RBFOX1: variants seen among roughly 807,000 people sequenced by gnomAD.
RBFOX1 encodes RNA binding fox-1 homolog 1, also known as RNA binding protein fox-1 homolog 1.
RBFOX1 carries 8 observed loss-of-function variants against 57.7 expected under a neutral mutation model. The observed-to-expected ratio is 0.14, with a 90% CI of 0.08 to 0.25. RBFOX1 has a LOEUF of 0.25. RBFOX1 is among the 10% of genes least tolerant of loss of function. The pLI is 1.00. For missense variants in RBFOX1, 611 were observed against 548.5 expected, an observed-to-expected ratio of 1.11 and a Z score of -1.14; for synonymous variants, 326 against 222.4, an observed-to-expected ratio of 1.47 and a Z score of -4.15.
chr16:7,473,574 TG>T (rs1175088309), intron 4 of RBFOX1, among the ~76,000 whole-genome samples: 2 of 151,432 alleles, frequency 1.3e-5, no homozygotes, highest in East Asian at 3.9e-4. Context: ...GCAGTTTGCT[TG>T]TTTTCCTCTT....
At chr16:6,806,601 C>T (rs995550672) in intron 3 of RBFOX1, among the ~76,000 whole-genome samples, 3 of 151,684 alleles carry the variant, frequency 2.0e-5, no homozygotes, top group African/African-American at 7.3e-5. Flanking sequence ...CAAATTTGAT[C>T]ACATCATTGG....
intron 3 of RBFOX1, among the ~76,000 whole-genome samples, chr16:6,821,209 C>T (rs2091239507): frequency 6.6e-6 from 1 of 152,196 alleles, no homozygotes. Flanking sequence ...GAAGTCCAGT[C>T]ATGGCCTCTA....
At chr16:6,469,108 A>T (rs1231634462) in intron 2 of RBFOX1, among the ~76,000 whole-genome samples, 2 of 152,190 alleles carry the variant, frequency 1.3e-5, no homozygotes, top group African/African-American at 2.4e-5. Flanking sequence ...AGAGTATATG[A>T]TGCTGCATTA....
At chr16:7,404,831 G>T (rs1363593471) in intron 4 of RBFOX1, among the ~76,000 whole-genome samples, 1 of 152,190 alleles carries the variant, frequency 6.6e-6, no homozygotes, top group African/African-American at 2.4e-5. Context: ...AGAAACAGAT[G>T]TGGGCTCTCC....
chr16:6,872,798 C>A (rs573140038), intron 3 of RBFOX1, among the ~76,000 whole-genome samples: 1 of 152,066 alleles, frequency 6.6e-6, no homozygotes, highest in Non-Finnish European at 1.5e-5. Flanking sequence ...TGAATTGATG[C>A]CTTCGAACAA....
chr16:5,856,177 CTCTCTCTCTCTATATA>C (rs2057027997), intron 3 of RBFOX1, among the ~76,000 whole-genome samples: 2 of 57,214 alleles, frequency 3.5e-5, no homozygotes, highest in South Asian at 6.3e-4. Flanking sequence ...CTCTCTCTCT[CTCTCTCTCTCTATATA>C]TATATATATA....
At chr16:6,418,974 A>G (rs2093701600) in intron 2 of RBFOX1, among the ~76,000 whole-genome samples, 1 of 152,196 alleles carries the variant, frequency 6.6e-6, no homozygotes, top group Non-Finnish European at 1.5e-5. Flanking sequence ...AAGCGTATGT[A>G]TGGGCTTGGA....
intron 8 of RBFOX1, among the ~76,000 whole-genome samples, chr16:7,596,126 G>T: frequency 1.9e-5 from 2 of 106,120 alleles, no homozygotes; most frequent in East Asian, 3.0e-4. Flanking sequence ...GTTTTTTGTG[G>T]AAAAAAAAAC....
At chr16:5,737,516 T>G (rs9936268) in intron 3 of RBFOX1, among the ~76,000 whole-genome samples, 35,472 of 147,144 alleles carry the variant, frequency 0.24, 4,545 homozygotes, top group East Asian at 0.42. Flanking sequence ...AAAACAAAAA[T>G]ATTCTGGATT....
intron 3 of RBFOX1, among the ~76,000 whole-genome samples, chr16:6,660,319 T>G (rs1367075046): frequency 6.6e-6 from 1 of 151,926 alleles, no homozygotes; most frequent in East Asian, 1.9e-4. Flanking sequence ...GATGGATTGA[T>G]AGGTGCAGCC....
At chr16:7,531,887 C>T (rs548212676) in intron 5 of RBFOX1, among the ~76,000 whole-genome samples, 43 of 152,234 alleles carry the variant, frequency 2.8e-4, no homozygotes, top group African/African-American at 8.9e-4. Context: ...CACACACATC[C>T]TTCCCATCCC....
At chr16:6,928,067 G>A (rs555492579) in intron 3 of RBFOX1, among the ~76,000 whole-genome samples, 1 of 152,240 alleles carries the variant, frequency 6.6e-6, no homozygotes, top group Admixed American at 6.5e-5. Context: ...TGAAGCCCCA[G>A]ATGACTGGGA....
At chr16:6,976,897 G>A (rs2087056868) in intron 3 of RBFOX1, among the ~76,000 whole-genome samples, 1 of 141,816 alleles carries the variant, frequency 7.1e-6, no homozygotes, top group Non-Finnish European at 1.5e-5. Context: ...CATATATGGT[G>A]TATATCATAT....
chr16:7,496,384 C>A (rs960067515), intron 4 of RBFOX1, among the ~76,000 whole-genome samples: 3 of 152,162 alleles, frequency 2.0e-5, no homozygotes, highest in South Asian at 2.1e-4. Context: ...CTCAAGTGAT[C>A]CACCTGCCTT....
intron 3 of RBFOX1, among the ~76,000 whole-genome samples, chr16:6,717,434 G>A (rs2065048412): frequency 6.6e-6 from 1 of 152,124 alleles, no homozygotes; most frequent in Admixed American, 6.5e-5. Context: ...AGAGCAGAAT[G>A]GTGGATCTGC....
intron 2 of RBFOX1, among the ~76,000 whole-genome samples, chr16:6,440,001 G>T (rs887702348): frequency 1.2e-5 from 1 of 85,316 alleles, no homozygotes; most frequent in Non-Finnish European, 2.4e-5. Context: ...AGGCTGGAGT[G>T]CCTCAGCTCA....
At chr16:7,256,748 C>T (rs2094701359) in intron 4 of RBFOX1, among the ~76,000 whole-genome samples, 1 of 152,166 alleles carries the variant, frequency 6.6e-6, no homozygotes. Flanking sequence ...TGCCAAATGT[C>T]AGTAATACGG....
At chr16:6,484,034 T>C (rs1460821486) in intron 2 of RBFOX1, 2 of 728,208 alleles carry the variant, frequency 2.7e-6, no homozygotes, top group African/African-American at 1.9e-5. Context: ...TTTAGAGGGA[T>C]TGGGGAGCCC....
chr16:6,006,755 A>G (rs889743797), intron 4 of RBFOX1, among the ~76,000 whole-genome samples: 2 of 152,204 alleles, frequency 1.3e-5, no homozygotes, highest in Non-Finnish European at 2.9e-5. Flanking sequence ...AATACCAGCT[A>G]AAGCTGTTGT....
Sources: gnomAD v4.1 joint callset for allele counts (sites outside exome capture counted in the v4.1 genomes callset) on GRCh38, gnomAD v4.1.1 for gene constraint, MANE v1.5 for transcripts, NCBI Gene and HGNC (gene_info 2026-07-23, HGNC 2026-07-21) for gene names.